Variants in KYAT3 observed in about 807,000 individuals in gnomAD.
The protein encoded by KYAT3 is kynurenine aminotransferase 3.
In KYAT3, 50 loss-of-function variants were observed where a neutral mutation model predicts 59.0. The ratio of observed to expected loss-of-function variants is 0.85; its 90% CI spans 0.68 to 1.07. KYAT3 has a LOEUF of 1.07. Ranked by LOEUF, KYAT3 falls within the 50% of genes least tolerant of loss-of-function variation. The pLI is 0.00. For missense variants in KYAT3, 497 were observed against 533.3 expected (o/e 0.93, Z 0.67); for synonymous variants, 148 against 177.0 (o/e 0.84, Z 1.30).
Position 88,949,104 on chromosome 1 carries a change from A to G in KYAT3, c.1128T>C (p.Asp376=). The change falls in exon 11 of 14, where the codon GAT becomes GAC. Residue 376 remains aspartate (D), a synonymous_variant. Transcript: ENST00000260508. The part of the protein sequence containing the change: ...VPDGGYFIIA[D]VSLLDPDLSD... Reference sequence around the variant, plus strand: ...GCCTTTACAAACCTAGCAAAGACACATCAGCGATGATGAAGTATCCTCCAT... The same window carrying G: ...GCCTTTACAAACCTAGCAAAGACACGTCAGCGATGATGAAGTATCCTCCAT... 1.9e-6 allele frequency: 3 copies of G among 1,590,096 alleles called. No individual in the cohort carries two copies. The highest frequency in any genetic ancestry group is 2.6e-6 in the Non-Finnish European group (3 of 1,172,506).
chr1:88,921,386 T>A, the KYAT3 span, among the ~76,000 whole-genome samples: 1 of 152,246 alleles, frequency 6.6e-6, no homozygotes, highest in African/African-American at 2.4e-5. Flanking sequence ...TTTGGTTTTT[T>A]TAGCCTTAAT....
chr1:88,957,443 A>C (rs192273831), intron 8 of KYAT3, among the ~76,000 whole-genome samples: 92 of 152,280 alleles, frequency 6.0e-4, no homozygotes, highest in African/African-American at 2.1e-3. Context: ...TTAAAGGACT[A>C]CTGTTGCACT....
intron 10 of KYAT3, among the ~76,000 whole-genome samples, chr1:88,950,095 G>A (rs1261785274): frequency 6.6e-6 from 1 of 152,166 alleles, no homozygotes; most frequent in Non-Finnish European, 1.5e-5. Context: ...CACCATCCGT[G>A]AAGAAGCATG....
chr1:88,924,041 G>A, the KYAT3 span, among the ~76,000 whole-genome samples: 1 of 152,252 alleles, frequency 6.6e-6, no homozygotes, highest in Admixed American at 6.5e-5. Flanking sequence ...GTTGTGACCA[G>A]TACTGTTTGC....
intron 13 of KYAT3, 62 bp from the exon 14 acceptor site, chr1:88,936,307 G>T: frequency 1.7e-6 from 2 of 1,152,972 alleles, no homozygotes; most frequent in East Asian, 2.5e-5. Context: ...ATGAAGCAAA[G>T]ATTTAAATAT....
chr1:88,965,799 A>C (rs527681978), intron 4 of KYAT3, among the ~76,000 whole-genome samples: 92 of 152,250 alleles, frequency 6.0e-4, no homozygotes, highest in African/African-American at 2.2e-3. Context: ...CCTTGAGAGT[A>C]AGAGTGCAAG....
intron 2 of KYAT3, among the ~76,000 whole-genome samples, chr1:88,974,596 G>A (rs1229987077): frequency 6.6e-6 from 1 of 150,912 alleles, no homozygotes; most frequent in African/African-American, 2.4e-5. Context: ...GCCTCAGCCT[G>A]GGACTGAGAG....
the KYAT3 span, chr1:88,923,606 G>A: frequency 6.3e-6 from 1 of 158,788 alleles, no homozygotes; most frequent in African/African-American, 2.4e-5. Flanking sequence ...TGGGACCACT[G>A]AGAACTTTTG....
At chr1:88,983,849 G>T (rs1450698774) in intron 2 of KYAT3, 1 of 1,565,510 alleles carries the variant, frequency 6.4e-7, no homozygotes. Context: ...CGGTGAGTCG[G>T]AGGGGTGACA....
intron 13 of KYAT3, among the ~76,000 whole-genome samples, chr1:88,941,209 A>G (rs7555698): frequency 6.6e-6 from 1 of 152,188 alleles, no homozygotes; most frequent in African/African-American, 2.4e-5. Context: ...ATTTCAGTCA[A>G]TTGAATGTTT....
chr1:88,958,375 T>C (rs992515207), intron 8 of KYAT3, among the ~76,000 whole-genome samples: 4 of 151,322 alleles, frequency 2.6e-5, no homozygotes, highest in Admixed American at 2.6e-4. Context: ...CTAGGTTATC[T>C]GATTTGCTTA....
rs751808452 is a variant in KYAT3 at position 88,964,838 on chromosome 1, C to T, written c.444G>A (p.Glu148=). ...LFNTIQALID[E]GDEVILIVPF... is the part of the protein sequence containing the mutation. ...ATGTTAATATACTTACTTCATCTCCCTCATCAATTAATGCTTGAATGGTGT... is the reference window on the plus strand; with the variant it reads ...ATGTTAATATACTTACTTCATCTCCTTCATCAATTAATGCTTGAATGGTGT... Residue 148 remains glutamate, a synonymous_variant, in exon 5 of 14, where the codon GAG becomes GAA. Coordinates refer to ENST00000260508, the MANE Select transcript of KYAT3 (RefSeq NM_001008661.3). The T allele has an allele frequency of 2.5e-6, 4 of 1,591,348 alleles. No homozygotes were observed. In the South Asian group the frequency reaches 3.5e-5, roughly 14 times the overall value.
chr1:88,965,027 T>G, intron 4 of KYAT3, 49 bp from the exon 5 acceptor site: 75 of 1,414,290 alleles, frequency 5.3e-5, no homozygotes, highest in Non-Finnish European at 6.4e-5. Context: ...ATATGGGACC[T>G]ACTGTTTGAG....
In KYAT3 at chr1:88,980,617, G is replaced by A. The variant is rs186759973; in HGVS notation, c.99+7635C>T. The A allele has an allele frequency of 4.8e-4, 73 of 152,516 alleles. 3 individuals carry two copies. The highest frequency in any genetic ancestry group is 1.7e-3 in the African/African-American group (69 of 41,506). 9.4% of individuals were successfully genotyped at this position (152,516 alleles called of 1,614,324 possible). On this transcript the variant is annotated intron_variant, in intron 2 of 13. Coordinates refer to ENST00000260508, the MANE Select transcript of KYAT3 (RefSeq NM_001008661.3). ...TCAAGATCTGATTCTTTTTCCACAC[G>A]TCTGCTAGTTCAGTAAACTATTTAT...
At chr1:88,937,359 G>A (rs1675079965) in intron 13 of KYAT3, among the ~76,000 whole-genome samples, 1 of 152,158 alleles carries the variant, frequency 6.6e-6, no homozygotes. Context: ...GGACTGGGAA[G>A]GTGAGGGATG....
At chr1:88,956,122 G>A (rs1675904761) in intron 8 of KYAT3, among the ~76,000 whole-genome samples, 1 of 152,104 alleles carries the variant, frequency 6.6e-6, no homozygotes, top group Non-Finnish European at 1.5e-5. Context: ...GAACATCACA[G>A]CCTTCTTGCA....
rs577579314 is a variant in KYAT3 at position 88,936,103 on chromosome 1, T to C, written c.*80A>G. ...ATTCCAGTTGTACTGAAATACCTTT[T>C]AACATCCAGCAGGTGGCAGCACTAA... On this transcript the variant is annotated 3_prime_UTR_variant, in exon 14 of 14. Coordinates refer to ENST00000260508, the MANE Select transcript of KYAT3 (RefSeq NM_001008661.3). The C allele has an allele frequency of 2.5e-4, 231 of 916,690 alleles. No individual in the cohort carries two copies. The highest frequency in any genetic ancestry group is 3.8e-4 in the Admixed American group (19 of 49,390). 56.8% of individuals were successfully genotyped at this position (916,690 alleles called of 1,614,324 possible).
At chr1:88,963,014 T>C (rs1323986731) in intron 5 of KYAT3, among the ~76,000 whole-genome samples, 1 of 152,036 alleles carries the variant, frequency 6.6e-6, no homozygotes, top group African/African-American at 2.4e-5. Flanking sequence ...GAATATTTAT[T>C]GCGTCCTCAC....
the KYAT3 span, among the ~76,000 whole-genome samples, chr1:88,928,760 C>T: frequency 2.0e-5 from 3 of 152,160 alleles, no homozygotes; most frequent in African/African-American, 7.2e-5. Flanking sequence ...GACACTGGCA[C>T]AGCCTTCTCA....
Sources: allele counts gnomAD v4.1 joint callset (sites outside exome capture counted in the v4.1 genomes callset), GRCh38; gene constraint gnomAD v4.1.1; transcripts MANE v1.5; gene names NCBI Gene and HGNC (gene_info 2026-07-23, HGNC 2026-07-21).